The following TUBA8 variants were observed in gnomAD, a reference collection of about 807,000 sequenced individuals.
TUBA8 encodes tubulin alpha-8 chain.
Under a neutral mutation model 34.7 loss-of-function variants are expected in TUBA8, and 29 were observed. The observed-to-expected ratio is 0.84, with a 90% CI of 0.62 to 1.14. TUBA8 has a LOEUF of 1.14. Among genes scored for constraint, TUBA8 ranks in the 50% most tolerant of loss-of-function variants. The pLI is 0.00. For missense variants in TUBA8, 541 were observed against 599.2 expected, an observed-to-expected ratio of 0.90 and a Z score of 1.01; for synonymous variants, 226 against 231.2, an observed-to-expected ratio of 0.98 and a Z score of 0.21.
In TUBA8 at chr22:18,116,983, G is replaced by A. The variant is rs117379199; in HGVS notation, c.4-4496G>A. Reference sequence around the variant, plus strand: ...ACTTCAAAGCCCTAGCAATGTAGGCGCGTAGTCAATTATTATTTGAGTAAG... The same window carrying A: ...ACTTCAAAGCCCTAGCAATGTAGGCACGTAGTCAATTATTATTTGAGTAAG... On this transcript the variant is annotated intron_variant, in intron 1 of 4. Coordinates refer to ENST00000330423, the MANE Select transcript of TUBA8 (RefSeq NM_018943.3). 1,293 of 152,372 alleles carry A rather than the reference G, an allele frequency of 8.5e-3. 8 individuals carry two copies. Among genetic ancestry groups the A allele is most frequent in the Non-Finnish European group, 0.013 (915 of 68,040 alleles). The allele number at this position is 152,372 out of a possible 1,614,324, so 9.4% of individuals were successfully genotyped here.
chr22:18,127,091 C>T, intron 4 of TUBA8, 57 bp downstream of exon 4: 1 of 1,587,980 alleles, frequency 6.3e-7, no homozygotes, highest in Admixed American at 1.7e-5. Context: ...AGGGAGGTGA[C>T]CAAGGATATG....
rs1171741893 is a variant in TUBA8, at chr22:18,118,196, C to G, written c.4-3283C>G. The G allele has an allele frequency of 6.6e-6, 1 of 152,180 alleles. No homozygotes were observed. The highest frequency in any genetic ancestry group is 2.4e-5 in the African/African-American group (1 of 41,420). The allele number at this position is 152,180 out of a possible 1,614,324, so 9.4% of individuals were successfully genotyped here. ...TCTTTCACCTAATGGTGTTGGCGTTCTTGTCCAAATCAATCACGTAATTAG... is the reference window on the plus strand; with the variant it reads ...TCTTTCACCTAATGGTGTTGGCGTTGTTGTCCAAATCAATCACGTAATTAG... On this transcript the variant is annotated intron_variant, in intron 1 of 4. Coordinates refer to ENST00000330423, the MANE Select transcript of TUBA8 (RefSeq NM_018943.3). The surrounding 1 kb of genome is among the most constrained non-coding windows in gnomAD (Gnocchi z 4.0).
chr22:18,122,443 A>T, intron 2 of TUBA8: 1 of 152,386 alleles, frequency 6.6e-6, no homozygotes, highest in East Asian at 1.9e-4. Context: ...CCAATGCACA[A>T]AGTGCAGGTT....
In TUBA8 at chr22:18,127,096, G is replaced by A. The variant is rs2234335; in HGVS notation, c.1056+62G>A. ...AGAGAAGCAGAGGGAGGTGACCAAG[G>A]ATATGCAATTCCATGGGCGCTTCAG... On this transcript the variant is annotated intron_variant, in intron 4 of 4. Coordinates refer to ENST00000330423, the MANE Select transcript of TUBA8 (RefSeq NM_018943.3). 17,476 of 1,572,254 alleles carry A rather than the reference G, an allele frequency of 0.011. 132 individuals carry two copies. The highest frequency in any genetic ancestry group is 0.013 in the Non-Finnish European group (15,226 of 1,145,054).
intron 1 of TUBA8, chr22:18,117,413 G>C (rs1025485144): frequency 3.3e-5 from 5 of 152,478 alleles, no homozygotes; most frequent in African/African-American, 9.7e-5. Context: ...TGCGTGTGGT[G>C]GTGCTTGGTG....
At chr22:18,117,794 G>GAAAAAAAAAA (rs1928018561) in intron 1 of TUBA8, 1 of 138,826 alleles carries the variant, frequency 7.2e-6, no homozygotes, top group African/African-American at 2.7e-5. Flanking sequence ...AAAAAAAAAA[G>GAAAAAAAAAA]AAAGTAAATA....
rs181945145 is a variant in TUBA8 at position 18,118,358 on chromosome 22, G to T, written c.4-3121G>T. On this transcript the variant is annotated intron_variant, in intron 1 of 4. Coordinates refer to ENST00000330423, the MANE Select transcript of TUBA8 (RefSeq NM_018943.3). The surrounding 1 kb of genome is among the most constrained non-coding windows in gnomAD (Gnocchi z 4.0). The stretch of plus-strand genomic sequence containing the variant: ...AGGGACAAATGAGTTTTTCTCTGGG[G>T]GTTTTCTTTGAGGACTTGTGGGTTT... 6.6e-6 allele frequency: 1 copy of T among 152,314 alleles called. No individual in the cohort carries two copies. Among genetic ancestry groups the T allele is most frequent in the Non-Finnish European group, 1.5e-5 (1 of 68,032 alleles). 9.4% of individuals were successfully genotyped at this position (152,314 alleles called of 1,614,324 possible).
intron 2 of TUBA8, chr22:18,122,525 G>A (rs1054683886): frequency 2.0e-5 from 3 of 152,396 alleles, no homozygotes; most frequent in Admixed American, 6.5e-5. Flanking sequence ...AGGTGACATA[G>A]TTGGGGCCTG....
At chr22:18,117,603 C>G (rs1928010067) in intron 1 of TUBA8, 2 of 152,132 alleles carry the variant, frequency 1.3e-5, no homozygotes, top group African/African-American at 4.8e-5. Context: ...GAAACCCTGT[C>G]TGTACTAAAA....
In TUBA8 at chr22:18,124,024, G is replaced by A. The variant is rs1201035172; in HGVS notation, c.227-132G>A. ...TCTTAGCCTTTTGCAGATTCATTAC[G>A]AGGTGGTCTGGCTTCAAACCTCCAT... On this transcript the variant is annotated intron_variant, in intron 2 of 4. Coordinates refer to ENST00000330423, the MANE Select transcript of TUBA8 (RefSeq NM_018943.3). This position sits in a 1 kb window ranked among gnomAD's most constrained non-coding sequence, Gnocchi z 4.3. The A allele has an allele frequency of 4.6e-6, 5 of 1,075,394 alleles. No individual in the cohort carries two copies. Among genetic ancestry groups the A allele is most frequent in the Admixed American group, 2.0e-5 (1 of 51,060 alleles). The allele number at this position is 1,075,394 out of a possible 1,614,324, so 66.6% of individuals were successfully genotyped here.
At chr22:18,130,712 C>A in intron 4 of TUBA8, 131 bp from the exon 5 acceptor site, 1 of 1,198,064 alleles carries the variant, frequency 8.3e-7, no homozygotes, top group South Asian at 1.3e-5. Flanking sequence ...CTGTTGCATC[C>A]CATAGCCCCA....
chr22:18,126,263 G>C lies in TUBA8; in HGVS notation c.376-91G>C. 1 of 1,202,672 alleles carries C rather than the reference G, an allele frequency of 8.3e-7. No individual in the cohort carries two copies. The highest frequency in any genetic ancestry group is 1.2e-6 in the Non-Finnish European group (1 of 813,698). 74.5% of individuals were successfully genotyped at this position (1,202,672 alleles called of 1,614,324 possible). A position where few individuals can be genotyped will look rare whatever the true frequency, so the allele number is the denominator to read the frequency against. ...TGATTTCATCCACAAAAAAATATGA[G>C]GCAGACAGAGTGGGCGGTCTGGCTT... On this transcript the variant is annotated intron_variant, in intron 3 of 4. Coordinates refer to ENST00000330423, the MANE Select transcript of TUBA8 (RefSeq NM_018943.3). The surrounding 1 kb of genome is among the most constrained non-coding windows in gnomAD (Gnocchi z 4.0).
chr22:18,116,223 C>CCCATGAG (rs1927968984), intron 1 of TUBA8: 1 of 136,294 alleles, frequency 7.3e-6, no homozygotes, highest in Non-Finnish European at 1.7e-5. Flanking sequence ...AAGAGGCCGC[C>CCCATGAG]CCATGAGCCA....
At chr22:18,120,671 G>A (rs1928119642) in intron 1 of TUBA8, 1 of 152,230 alleles carries the variant, frequency 6.6e-6, no homozygotes, top group Admixed American at 6.5e-5. Flanking sequence ...TGAAATGGTA[G>A]TTCTGAGTTC....
chr22:18,117,963 G>A (rs953255068), intron 1 of TUBA8: 2 of 152,170 alleles, frequency 1.3e-5, no homozygotes, highest in African/African-American at 4.8e-5. Context: ...TCAGTGATGA[G>A]GGCTGAGTAT....
rs1241118944 is a variant in TUBA8 at position 18,124,532 on chromosome 22, C to T, written c.375+228C>T. The T allele has an allele frequency of 1.9e-6, 1 of 522,118 alleles. No individual in the cohort carries two copies. The highest frequency in any genetic ancestry group is 3.4e-6 in the Non-Finnish European group (1 of 295,442). 32.3% of individuals were successfully genotyped at this position (522,118 alleles called of 1,614,324 possible). A position where few individuals can be genotyped will look rare whatever the true frequency, so the allele number is the denominator to read the frequency against. On this transcript the variant is annotated intron_variant, in intron 3 of 4. Coordinates refer to ENST00000330423, the MANE Select transcript of TUBA8 (RefSeq NM_018943.3). This position sits in a 1 kb window ranked among gnomAD's most constrained non-coding sequence, Gnocchi z 4.3. ...GTTCCAGGCTGAGGCCCTACTCATA[C>T]TCATTGATACTCTCTGTTAGTATCT...
In TUBA8 at chr22:18,121,894, A is replaced by G. The variant is rs1395584592; in HGVS notation, c.226+193A>G. ...GGGGAATCTCATGACAGTGATCAAG[A>G]CTCTATGCAGAACAAAATGCCTCCC... On this transcript the variant is annotated intron_variant, in intron 2 of 4. Transcript: ENST00000330423. This position sits in a 1 kb window ranked among gnomAD's most constrained non-coding sequence, Gnocchi z 4.8. 4 of 603,814 alleles carry G rather than the reference A, an allele frequency of 6.6e-6. No homozygotes were observed. Among genetic ancestry groups the G allele is most frequent in the Non-Finnish European group, 1.2e-5 (4 of 342,422 alleles). 37.4% of individuals were successfully genotyped at this position (603,814 alleles called of 1,614,324 possible).
intron 4 of TUBA8, chr22:18,127,812 C>G (rs1310991020): frequency 2.0e-5 from 3 of 151,176 alleles, no homozygotes; most frequent in Non-Finnish European, 4.4e-5. Flanking sequence ...ATTCTCCTGC[C>G]TCAGCCTCCC....
chr22:18,125,941 AGC>A (rs1186307281), intron 3 of TUBA8: 1 of 261,556 alleles, frequency 3.8e-6, no homozygotes, highest in Non-Finnish European at 7.4e-6. Context: ...AGATTTCTGC[AGC>A]CATGAGCTCC....
Sources: allele counts gnomAD v4.1 joint callset, GRCh38; gene constraint gnomAD v4.1.1; non-coding constraint Gnocchi (gnomAD v3.1); transcripts MANE v1.5; gene names NCBI Gene and HGNC (gene_info 2026-07-23, HGNC 2026-07-21).